RMST: variants seen among roughly 807,000 people sequenced by gnomAD.
RMST encodes the protein rhabdomyosarcoma 2 associated transcript.
intron 5 of RMST, among the ~76,000 whole-genome samples, chr12:97,473,148 A>G (rs913367797): frequency 6.6e-6 from 1 of 152,132 alleles, no homozygotes; most frequent in African/African-American, 2.4e-5. Context: ...GGCTCAGAAT[A>G]TAGGTTCAGA....
At chr12:97,530,035 A>T (rs755586912) in intron 10 of RMST, among the ~76,000 whole-genome samples, 1 of 152,108 alleles carries the variant, frequency 6.6e-6, no homozygotes, top group Non-Finnish European at 1.5e-5. Flanking sequence ...TCTTCATGAA[A>T]AAGGGATAGA....
intron 5 of RMST, among the ~76,000 whole-genome samples, chr12:97,471,350 C>T (rs562015702): frequency 6.6e-6 from 1 of 152,090 alleles, no homozygotes; most frequent in Non-Finnish European, 1.5e-5. Context: ...TACCCTCTAA[C>T]TTATATGGGA....
intron 5 of RMST, among the ~76,000 whole-genome samples, chr12:97,477,772 T>C (rs1472671724): frequency 1.3e-5 from 2 of 152,242 alleles, no homozygotes; most frequent in African/African-American, 2.4e-5. Flanking sequence ...CTGTGATTTA[T>C]TCCATTTTAT....
intron 4 of RMST, among the ~76,000 whole-genome samples, chr12:97,465,497 A>G (rs1466708517): frequency 1.3e-5 from 2 of 152,188 alleles, no homozygotes; most frequent in Non-Finnish European, 2.9e-5. Flanking sequence ...TAATTGATGG[A>G]TGCTGCAGAA....
intron 5 of RMST, among the ~76,000 whole-genome samples, chr12:97,484,293 G>C (rs1264075333): frequency 1.3e-5 from 2 of 152,132 alleles, no homozygotes; most frequent in Non-Finnish European, 2.9e-5. Context: ...TTTATTTCAA[G>C]TAGACAGTTC....
intron 10 of RMST, among the ~76,000 whole-genome samples, chr12:97,506,407 T>A (rs1018139514): frequency 6.6e-6 from 1 of 152,218 alleles, no homozygotes; most frequent in Non-Finnish European, 1.5e-5. Flanking sequence ...TACTTATTTA[T>A]CAAAAATATT....
chr12:97,507,287 TAAA>T (rs143392654), intron 10 of RMST, among the ~76,000 whole-genome samples: 88 of 145,556 alleles, frequency 6.0e-4, no homozygotes, highest in African/African-American at 2.2e-3. Flanking sequence ...TTTTTTTTTT[TAAA>T]AAAAAAAAGA....
chr12:97,522,713 A>G (rs1355730875), intron 10 of RMST, among the ~76,000 whole-genome samples: 1 of 152,146 alleles, frequency 6.6e-6, no homozygotes, highest in Non-Finnish European at 1.5e-5. Context: ...TCATGTTAGT[A>G]AGGGTATTAT....
intron 10 of RMST, among the ~76,000 whole-genome samples, chr12:97,505,209 G>T (rs1419568570): frequency 2.0e-5 from 3 of 152,182 alleles, no homozygotes; most frequent in Non-Finnish European, 4.4e-5. Context: ...AGAGCAATTA[G>T]AAATATATTA....
chr12:97,552,880 C>G lies in RMST; in HGVS notation n.1546-7657C>G, dbSNP rs1252536578. ...TTCAGAATTGGAAGAAAGGTCTCCT[C>G]AAAGGAGTCCTGACAAGCAAACTAG... On this transcript the variant is annotated intron_variant and non_coding_transcript_variant, in intron 11 of 13. Transcript: ENST00000640149. 2.0e-5 allele frequency among the ~76,000 whole-genome samples: 3 copies of G among 152,242 alleles called. No individual in the cohort carries two copies. In the South Asian group the frequency reaches 6.2e-4, roughly 32 times the overall value.
chr12:97,504,178 C>A (rs1878408042), intron 10 of RMST, among the ~76,000 whole-genome samples: 1 of 152,092 alleles, frequency 6.6e-6, no homozygotes, highest in Non-Finnish European at 1.5e-5. Context: ...CCGAGACAGG[C>A]AGATCACTTG....
intron 4 of RMST, among the ~76,000 whole-genome samples, chr12:97,464,137 C>T (rs1235357860): frequency 6.6e-6 from 1 of 152,064 alleles, no homozygotes; most frequent in African/African-American, 2.4e-5. Context: ...CAAGTGTACA[C>T]ATAGATGAGA....
chr12:97,504,682 A>G (rs1878475564), intron 10 of RMST, among the ~76,000 whole-genome samples: 1 of 152,202 alleles, frequency 6.6e-6, no homozygotes, highest in South Asian at 2.1e-4. Flanking sequence ...ACATGAAGAA[A>G]AAAGGAGTCC....
intron 5 of RMST, among the ~76,000 whole-genome samples, chr12:97,479,707 C>T (rs1874998833): frequency 6.6e-6 from 1 of 152,108 alleles, no homozygotes. Flanking sequence ...TTCCTCTTCC[C>T]CTGGGTTCAT....
chr12:97,500,403 C>A (rs1381596935), intron 10 of RMST, among the ~76,000 whole-genome samples: 4 of 152,144 alleles, frequency 2.6e-5, no homozygotes, highest in Admixed American at 2.0e-4. Flanking sequence ...GGATCCTCTA[C>A]ACAAATGAGG....
intron 10 of RMST, among the ~76,000 whole-genome samples, chr12:97,526,855 T>C (rs984414583): frequency 1.3e-4 from 20 of 152,046 alleles, no homozygotes; most frequent in African/African-American, 4.6e-4. Flanking sequence ...GCAATGAGAG[T>C]GCATTTATTG....
At chr12:97,496,871 A>T (rs891365814) in intron 10 of RMST, among the ~76,000 whole-genome samples, 8 of 152,138 alleles carry the variant, frequency 5.3e-5, no homozygotes, top group African/African-American at 1.9e-4. Context: ...AGCTTAGATC[A>T]CTCTGTAAGA....
chr12:97,513,078 C>T (rs1012980517), intron 10 of RMST, among the ~76,000 whole-genome samples: 4 of 152,338 alleles, frequency 2.6e-5, no homozygotes, highest in African/African-American at 4.8e-5. Context: ...CGCGCAGGCC[C>T]GCAAGCACCG....
chr12:97,560,651 G>A (rs1353644412), exon 12 of RMST: 1 of 152,180 alleles, frequency 6.6e-6, no homozygotes, highest in Non-Finnish European at 1.5e-5. Flanking sequence ...CATTCAGAAA[G>A]CCTGGAGTGA....
Sources: gnomAD v4.1 joint callset for allele counts (sites outside exome capture counted in the v4.1 genomes callset) on GRCh38, gnomAD v4.1.1 for gene constraint, MANE v1.5 for transcripts, NCBI Gene and HGNC (gene_info 2026-07-23, HGNC 2026-07-21) for gene names.